The following SHPK variants were observed in gnomAD, a reference collection of about 807,000 sequenced individuals.
The protein encoded by SHPK is sedoheptulokinase.
Under a neutral mutation model 46.3 loss-of-function variants are expected in SHPK, and 51 were observed. The ratio of observed to expected loss-of-function variants is 1.10; its 90% confidence interval spans 0.88 to 1.39. The LOEUF is 1.39. SHPK is among the 40% of genes most tolerant of loss of function. SHPK has a pLI of 0.00. For missense variants in SHPK, 668 were observed against 641.3 expected (o/e 1.04, Z -0.45); for synonymous variants, 290 against 273.9 (o/e 1.06, Z -0.58).
rs202169435 is a variant in SHPK, at chr17:3,623,365, C to A, written c.621G>T (p.Thr207=). ...QNAASWGYFN[T]QSQSWNVETL... ...TCTCTACGTTCCAGCTTTGGCTCTG[C>A]GTGTTGAAATAGCCCCAGCTGGCAG... The change falls in exon 4 of 7, where the codon ACG becomes ACT. Residue 207 remains threonine, a synonymous_variant. Transcript: ENST00000225519. 2 of 1,614,068 alleles carry A rather than the reference C, an allele frequency of 1.2e-6. No homozygotes were observed. The highest frequency in any genetic ancestry group is 1.7e-6 in the Non-Finnish European group (2 of 1,180,030).
chr17:3,627,767 C>G (rs2075446435), intron 2 of SHPK, among the ~76,000 whole-genome samples: 1 of 150,366 alleles, frequency 6.7e-6, no homozygotes, highest in African/African-American at 2.4e-5. Context: ...GTGACCGGAT[C>G]ACAATCATCA....
At chr17:3,615,562 T>C (rs550375366) in intron 5 of SHPK, 25 bp from the exon 6 acceptor site, 1 of 1,608,124 alleles carries the variant, frequency 6.2e-7, no homozygotes, top group South Asian at 1.1e-5. Flanking sequence ...GAGCAGAGCT[T>C]AGGCCTGTCG....
chr17:3,620,953 G>A (rs1298582240), intron 5 of SHPK, among the ~76,000 whole-genome samples: 2 of 152,196 alleles, frequency 1.3e-5, no homozygotes, highest in African/African-American at 4.8e-5. Context: ...GAGTCACATA[G>A]AAACCAGAAA....
chr17:3,628,487 T>C (rs1423684115), intron 2 of SHPK, among the ~76,000 whole-genome samples: 3 of 151,994 alleles, frequency 2.0e-5, no homozygotes, highest in Admixed American at 2.0e-4. Flanking sequence ...CACACCCAGC[T>C]AATTTTTGTA....
At chr17:3,618,935 T>C (rs2075383743) in intron 5 of SHPK, among the ~76,000 whole-genome samples, 1 of 152,176 alleles carries the variant, frequency 6.6e-6, no homozygotes, top group Admixed American at 6.5e-5. Context: ...AGGAGCAGAA[T>C]TGCTGGGGCC....
At chr17:3,624,700 T>A (rs940005179) in intron 2 of SHPK, among the ~76,000 whole-genome samples, 1 of 152,062 alleles carries the variant, frequency 6.6e-6, no homozygotes, top group South Asian at 2.1e-4. Context: ...GTCCCCCAGG[T>A]TGGAATGCAG....
At position 3,632,343 on chromosome 17, in the gene SHPK, G is replaced by A. The variant is rs546564060; in HGVS notation, c.169-1997C>T. Reference sequence around the variant, plus strand: ...TCACGCCTATAATCGCAGCCACTGGGAAGGTTGAAGCAGGAGATCACTTGA... The same window carrying A: ...TCACGCCTATAATCGCAGCCACTGGAAAGGTTGAAGCAGGAGATCACTTGA... On this transcript the variant is annotated intron_variant, in intron 1 of 6. Transcript: ENST00000225519. Among the ~76,000 whole-genome samples the A allele has an allele frequency of 3.2e-3, 487 of 152,314 alleles. 1 individual carries two copies. The highest frequency in any genetic ancestry group is 5.3e-3 in the Non-Finnish European group (362 of 68,004).
Position 3,623,422 on chromosome 17 carries a change from G to A in SHPK, c.564C>T (p.Gly188=), listed in dbSNP as rs1185612701. 1.9e-6 allele frequency: 3 copies of A among 1,614,162 alleles called. No individual in the cohort carries two copies. The highest frequency in any genetic ancestry group is 8.5e-7 in the Non-Finnish European group (1 of 1,179,976). Residue 188 remains glycine, a synonymous_variant, in exon 4 of 7, where the codon GGC becomes GGT. Transcript: ENST00000225519. The part of the protein sequence containing the change: ...IHDYVVAMLC[G]LPRPLMSDQN... Reference sequence around the variant, plus strand: ...GGTCGGACATCAGAGGTCTTGGCAAGCCACACAGCATGGCAACCACATAGT... The same window carrying A: ...GGTCGGACATCAGAGGTCTTGGCAAACCACACAGCATGGCAACCACATAGT...
At chr17:3,616,928 G>A (rs1383950923) in intron 5 of SHPK, among the ~76,000 whole-genome samples, 1 of 152,074 alleles carries the variant, frequency 6.6e-6, no homozygotes, top group African/African-American at 2.4e-5. Flanking sequence ...TATTAGAGGT[G>A]GGGTTTCACC....
chr17:3,623,852 G>GA (rs1197944412), intron 3 of SHPK, among the ~76,000 whole-genome samples, 196 bp downstream of exon 3: 1 of 152,122 alleles, frequency 6.6e-6, no homozygotes, highest in Non-Finnish European at 1.5e-5. Flanking sequence ...GGTGGGAACT[G>GA]GATAACCAAT....
At chr17:3,633,645 CA>C (rs886427098) in intron 1 of SHPK, among the ~76,000 whole-genome samples, 1 of 152,124 alleles carries the variant, frequency 6.6e-6, no homozygotes, top group Non-Finnish European at 1.5e-5. Context: ...CCTGTAAGCA[CA>C]GAACAGCCTG....
At chr17:3,633,870 T>G (rs1482537951) in intron 1 of SHPK, among the ~76,000 whole-genome samples, 1 of 152,002 alleles carries the variant, frequency 6.6e-6, no homozygotes, top group Non-Finnish European at 1.5e-5. Flanking sequence ...ATGGTTGCTG[T>G]GTCTGTGTAG....
chr17:3,635,743 G>C (rs1382165688), intron 1 of SHPK, among the ~76,000 whole-genome samples: 1 of 152,104 alleles, frequency 6.6e-6, no homozygotes. Flanking sequence ...ACACACAAGA[G>C]ATCAGTTCCT....
chr17:3,615,456 G>A lies in SHPK; in HGVS notation c.905C>T (p.Ala302Val), dbSNP rs967257751. Residue 302 changes from alanine (A) to valine (V), a missense_variant, in exon 6 of 7, where the codon GCC (alanine) becomes GTC (valine). Coordinates refer to ENST00000225519, the MANE Select transcript of SHPK (RefSeq NM_013276.4). ...GAAGTATGGGAAGTAGGCGACTGGG[G>A]CCGTAGGGTCTGGAGTCTGTGCAGG... ...FQPAQTPDPTAPVAYFPYFNR... is the reference protein window; with the variant it reads ...FQPAQTPDPTVPVAYFPYFNR... The A allele has an allele frequency of 6.2e-6, 10 of 1,614,196 alleles. No homozygotes were observed. Among genetic ancestry groups the A allele is most frequent in the Non-Finnish European group, 7.6e-6 (9 of 1,180,018 alleles).
At chr17:3,611,058 A>ATT in intron 6 of SHPK, 86 bp from the exon 7 acceptor site, 20 of 1,296,502 alleles carry the variant, frequency 1.5e-5, no homozygotes, top group Non-Finnish European at 1.8e-5. Flanking sequence ...CAGGGTGGGA[A>ATT]CAGCGCTACT....
chr17:3,629,452 C>T (rs547127246), intron 2 of SHPK, among the ~76,000 whole-genome samples: 10 of 152,216 alleles, frequency 6.6e-5, no homozygotes, highest in South Asian at 2.1e-4. Context: ...ATATGCCGGC[C>T]GGGCATGGTG....
At position 3,625,172 on chromosome 17, in the gene SHPK, G is replaced by A. The variant is rs372446244; in HGVS notation, c.311-941C>T. 6.6e-5 allele frequency among the ~76,000 whole-genome samples: 10 copies of A among 152,264 alleles called. 2 individuals are homozygous for A. In the East Asian group the frequency reaches 1.2e-3, roughly 18 times the overall value. ...CCATCTTTAAATGCCAGTTTGATTA[G>A]TTATAATAGTCTGGTTCTAAGTTCC... On this transcript the variant is annotated intron_variant, in intron 2 of 6. Coordinates refer to ENST00000225519, the MANE Select transcript of SHPK (RefSeq NM_013276.4).
chr17:3,620,584 A>C (rs2075394612), intron 5 of SHPK, among the ~76,000 whole-genome samples: 1 of 149,270 alleles, frequency 6.7e-6, no homozygotes, highest in South Asian at 2.1e-4. Flanking sequence ...TTGTTTTGAG[A>C]TGGAGTCTCG....
In SHPK at chr17:3,609,322, T is replaced by TGAGAGAGAGAGAGAGAGAGAGAGAGAGA. The variant is rs3840876; in HGVS notation, c.*1210_*1237dup. 14 of 148,566 alleles carry TGAGAGAGAGAGAGAGAGAGAGAGAGAGA rather than the reference T, an allele frequency of 9.4e-5. No individual in the cohort carries two copies. Among genetic ancestry groups the TGAGAGAGAGAGAGAGAGAGAGAGAGAGA allele is most frequent in the African/African-American group, 3.0e-4 (12 of 39,898 alleles). 9.2% of individuals were successfully genotyped at this position (148,566 alleles called of 1,614,324 possible). On this transcript the variant is annotated 3_prime_UTR_variant, in exon 7 of 7. Coordinates refer to ENST00000225519, the MANE Select transcript of SHPK (RefSeq NM_013276.4). ...TATGTTTCATACCTGTCATGGATAC[T>TGAGAGAGAGAGAGAGAGAGAGAGAGAGA]GAGAGAGAGAGAGAGAGAGAGAGAG...
Sources: gnomAD v4.1 joint callset for allele counts (sites outside exome capture counted in the v4.1 genomes callset) on GRCh38, gnomAD v4.1.1 for gene constraint, MANE v1.5 for transcripts, NCBI Gene and HGNC (gene_info 2026-07-23, HGNC 2026-07-21) for gene names.